Variants in LRRC69 observed in about 807,000 individuals in gnomAD.
LRRC69 encodes leucine rich repeat containing 69, also known as leucine-rich repeat-containing protein 69.
A neutral mutation model predicts 37.8 loss-of-function variants in LRRC69; 42 were observed. The observed-to-expected ratio is 1.11, with a 90% CI of 0.87 to 1.44. The LOEUF (loss-of-function observed/expected upper bound fraction) is 1.44, where lower values mean the gene tolerates loss of function less well. LRRC69 is among the 40% of genes most tolerant of loss of function. The pLI, the probability that LRRC69 is intolerant of heterozygous loss-of-function variation, is 0.00. For synonymous variants in LRRC69, 141 were observed against 143.1 expected, an observed-to-expected ratio of 0.99 and a Z score of 0.11; for missense variants, 357 against 401.9, an observed-to-expected ratio of 0.89 and a Z score of 0.96.
rs543332563 is a variant in LRRC69, at chr8:91,158,006, C to T, written c.651+22267C>T. The stretch of plus-strand genomic sequence containing the variant: ...ACATCTGGGAATTCTAGGTCTACAA[C>T]TTCATGCAGATGTTGGAGACAAAGT... On this transcript the variant is annotated intron_variant, in intron 5 of 7. Transcript: ENST00000448384. 26 of 1,337,828 alleles carry T rather than the reference C, an allele frequency of 1.9e-5. No homozygotes were observed. The South Asian group carries it at 2.1e-4, about 11-fold the overall frequency. 82.9% of individuals were successfully genotyped at this position (1,337,828 alleles called of 1,614,324 possible). A position where few individuals can be genotyped will look rare whatever the true frequency, so the allele number is the denominator to read the frequency against.
At chr8:91,169,765 C>T (rs1383993274) in intron 5 of LRRC69, among the ~76,000 whole-genome samples, 7 of 134,374 alleles carry the variant, frequency 5.2e-5, no homozygotes, top group Non-Finnish European at 1.1e-4. Context: ...TGAGTGAGAA[C>T]ATGCAGTGTT....
intron 6 of LRRC69, among the ~76,000 whole-genome samples, chr8:91,195,056 T>G (rs1332735408): frequency 6.6e-6 from 1 of 152,248 alleles, no homozygotes; most frequent in Non-Finnish European, 1.5e-5. Context: ...TTTGTTCTCA[T>G]TGGTTTCAAA....
intron 5 of LRRC69, among the ~76,000 whole-genome samples, chr8:91,168,410 T>C (rs1169208966): frequency 1.3e-5 from 2 of 151,922 alleles, no homozygotes; most frequent in Admixed American, 6.6e-5. Flanking sequence ...GGAGTGGTCA[T>C]GTGTCACAGT....
intron 7 of LRRC69, among the ~76,000 whole-genome samples, chr8:91,209,783 A>G (rs566607016): frequency 3.2e-4 from 48 of 152,338 alleles, no homozygotes; most frequent in Non-Finnish European, 7.3e-5. Context: ...TATCTATTCC[A>G]TCATGTTAAG....
At chr8:91,135,081 C>G (rs1813885964) in intron 4 of LRRC69, among the ~76,000 whole-genome samples, 1 of 151,958 alleles carries the variant, frequency 6.6e-6, no homozygotes, top group Non-Finnish European at 1.5e-5. Flanking sequence ...AGGGTGGAAG[C>G]CCTTATATCA....
rs766099878 is a variant in LRRC69, at chr8:91,189,685, G to A, written c.753+62G>A. The A allele has an allele frequency of 1.3e-4, 155 of 1,179,498 alleles. 1 individual carries two copies. The Middle Eastern group carries it at 1.6e-3, about 12-fold the overall frequency. The allele number at this position is 1,179,498 out of a possible 1,614,324, so 73.1% of individuals were successfully genotyped here. ...AAAGCCACAATTTAAATTTTAAAGC[G>A]TTTTCTTTTAAAACATTCTTGCCAA... On this transcript the variant is annotated intron_variant, in intron 6 of 7. Coordinates refer to ENST00000448384, the Ensembl canonical transcript of LRRC69.
chr8:91,211,647 T>G (rs138025067), intron 7 of LRRC69, among the ~76,000 whole-genome samples: 3,098 of 149,270 alleles, frequency 0.021, 109 homozygotes, highest in African/African-American at 0.072. Context: ...CTTGGAAGCC[T>G]CTCTTTCTGT....
chr8:91,206,809 A>G (rs1260818373), intron 7 of LRRC69: 3 of 1,289,112 alleles, frequency 2.3e-6, no homozygotes, highest in African/African-American at 3.0e-5. Flanking sequence ...AAATAACCCC[A>G]TGACACCAGT....
chr8:91,206,388 G>A (rs35257369), intron 7 of LRRC69, among the ~76,000 whole-genome samples: 7,900 of 152,162 alleles, frequency 0.052, 278 homozygotes, highest in Middle Eastern at 0.16. Flanking sequence ...ACAGCTCATC[G>A]GTGGGAAAAT....
At chr8:91,176,742 C>G (rs1044594454) in intron 5 of LRRC69, among the ~76,000 whole-genome samples, 2 of 152,134 alleles carry the variant, frequency 1.3e-5, no homozygotes, top group African/African-American at 4.8e-5. Flanking sequence ...ATTCTCCCTC[C>G]CTCCACCTTT....
At chr8:91,206,709 C>A in intron 7 of LRRC69, 1 of 1,289,688 alleles carries the variant, frequency 7.8e-7, no homozygotes, top group Non-Finnish European at 1.0e-6. Context: ...CAACCTAATA[C>A]AAGCAACAAC....
At chr8:91,194,758 T>C (rs1408838631) in intron 6 of LRRC69, among the ~76,000 whole-genome samples, 1 of 152,178 alleles carries the variant, frequency 6.6e-6, no homozygotes, top group African/African-American at 2.4e-5. Context: ...GTCTTGCTAG[T>C]GGTCTATCTA....
intron 5 of LRRC69, among the ~76,000 whole-genome samples, chr8:91,141,237 G>C (rs1410850610): frequency 6.6e-6 from 1 of 152,060 alleles, no homozygotes; most frequent in African/African-American, 2.4e-5. Context: ...TTAGTTTCCT[G>C]AGGCTGCTAT....
At chr8:91,203,646 G>C (rs1052001901) in intron 7 of LRRC69, among the ~76,000 whole-genome samples, 10 of 151,684 alleles carry the variant, frequency 6.6e-5, no homozygotes, top group Non-Finnish European at 1.3e-4. Context: ...TGATCTGCCT[G>C]CCTTGGCCTC....
Position 91,149,402 on chromosome 8 carries a change from C to T in LRRC69, c.651+13663C>T, listed in dbSNP as rs540270024. On this transcript the variant is annotated intron_variant, in intron 5 of 7. Coordinates refer to ENST00000448384, the Ensembl canonical transcript of LRRC69. ...CAAAGATCAGGTGGTTGTACATATG[C>T]GGCATTATTTCTGAGGGCTCTGTTC... Among the ~76,000 whole-genome samples, 116 of 151,796 alleles carry T rather than the reference C, an allele frequency of 7.6e-4. 1 individual carries two copies. Among genetic ancestry groups the T allele is most frequent in the Non-Finnish European group, 6.0e-4 (41 of 67,924 alleles).
intron 6 of LRRC69, among the ~76,000 whole-genome samples, chr8:91,197,941 G>A (rs1229709245): frequency 6.6e-6 from 1 of 152,174 alleles, no homozygotes; most frequent in Non-Finnish European, 1.5e-5. Flanking sequence ...TAAATGATGT[G>A]TGTAGTTTTA....
intron 1 of LRRC69, among the ~76,000 whole-genome samples, chr8:91,112,235 T>G (rs549351162): frequency 6.6e-6 from 1 of 152,170 alleles, no homozygotes; most frequent in Non-Finnish European, 1.5e-5. Context: ...GTGATCACTC[T>G]GCATGTACCT....
At chr8:91,185,850 T>G (rs1390689828) in intron 5 of LRRC69, among the ~76,000 whole-genome samples, 1 of 152,132 alleles carries the variant, frequency 6.6e-6, no homozygotes, top group Non-Finnish European at 1.5e-5. Flanking sequence ...CTTTGAAGAA[T>G]GCACAGGGAT....
intron 7 of LRRC69, among the ~76,000 whole-genome samples, chr8:91,217,672 T>C (rs73697149): frequency 0.021 from 3,145 of 152,216 alleles, 97 homozygotes; most frequent in African/African-American, 0.072. Flanking sequence ...GCACTGAGAT[T>C]GGAGGAGTGG....
Sources: gnomAD v4.1 joint callset for allele counts (sites outside exome capture counted in the v4.1 genomes callset) on GRCh38, gnomAD v4.1.1 for gene constraint, MANE v1.5 for transcripts, NCBI Gene and HGNC (gene_info 2026-07-23, HGNC 2026-07-21) for gene names.